Variants in KRT16 observed in about 807,000 individuals in gnomAD.
KRT16 encodes keratin, type I cytoskeletal 16.
In KRT16, 42 loss-of-function variants were observed where a neutral mutation model predicts 44.8. That is an observed-to-expected ratio of 0.94 (90% confidence interval 0.73 to 1.21). The LOEUF is 1.21. Among genes scored for constraint, KRT16 ranks in the 50% most tolerant of loss-of-function variants. The probability of loss-of-function intolerance (pLI) is 0.00; values close to 1 mark genes in which losing one functional copy is unlikely to be tolerated. For missense variants in KRT16, 561 were observed against 626.9 expected (o/e 0.89, Z 1.12); for synonymous variants, 226 against 260.4 (o/e 0.87, Z 1.27).
rs746875906 is a variant in KRT16, at chr17:41,610,040, G to A, written c.1328-11C>T. 1 of 1,600,016 alleles carries A rather than the reference G, an allele frequency of 6.2e-7. No homozygotes were observed. The highest frequency in any genetic ancestry group is 8.6e-7 in the Non-Finnish European group (1 of 1,169,218). On this transcript the variant is annotated splice_polypyrimidine_tract_variant and intron_variant, in intron 7 of 7. Transcript: ENST00000301653. ...AGGAGGAGGTGAAGACTGTGGGAGAGAGAAGAGGAGGTGAGAAGGGGTCTG... is the reference window on the plus strand; with the variant it reads ...AGGAGGAGGTGAAGACTGTGGGAGAAAGAAGAGGAGGTGAGAAGGGGTCTG...
chr17:41,610,621 T>C (rs1908157721), intron 5 of KRT16, 70 bp from the exon 6 acceptor site: 1 of 1,576,434 alleles, frequency 6.3e-7, no homozygotes, highest in Admixed American at 1.7e-5. Flanking sequence ...TCTGGGCATG[T>C]TTTTTGAGAG....
intron 7 of KRT16, 66 bp downstream of exon 7, chr17:41,610,124 G>A: frequency 6.2e-7 from 1 of 1,601,558 alleles, no homozygotes; most frequent in Non-Finnish European, 8.5e-7. Context: ...GAGGAGAAGG[G>A]CCCAGCCCCC....
chr17:41,612,409 A>G lies in KRT16; in HGVS notation c.280T>C (p.Phe94Leu). 2 of 1,614,098 alleles carry G rather than the reference A, an allele frequency of 1.2e-6. No individual in the cohort carries two copies. The highest frequency in any genetic ancestry group is 1.7e-6 in the Non-Finnish European group (2 of 1,180,010). ...AAGCCAGCACCCAAGCCACCACCGAAGCCAGCACCAAGGCCACCACCATAT... is the reference window on the plus strand; with the variant it reads ...AAGCCAGCACCCAAGCCACCACCGAGGCCAGCACCAAGGCCACCACCATAT... Reference protein sequence around the residue: ...GGYGGGLGAGFGGGLGAGFGG... With the variant: ...GGYGGGLGAGLGGGLGAGFGG... The change falls in exon 1 of 8, where the codon TTC becomes CTC. Residue 94 changes from phenylalanine to leucine, a missense_variant. Phe to Leu is a conservative substitution (Grantham distance 22). Transcript: ENST00000301653.
rs765819730 is a variant in KRT16 at position 41,610,957 on chromosome 17, A to G, written c.956T>C (p.Val319Ala). Residue 319 changes from valine (V) to alanine (A), a missense_variant, in exon 5 of 8, where the codon GTG (valine) becomes GCG (alanine). Coordinates refer to ENST00000301653, the MANE Select transcript of KRT16 (RefSeq NM_005557.4). ...LSKTEELNKE[V>A]ASNSELVQSS... ...CTGTACCAGTTCGCTGTTGGAGGCC[A>G]CTTCTTTGTTCAGCTCCTCGGTCTG... 1.2e-6 allele frequency: 2 copies of G among 1,614,082 alleles called. No homozygotes were observed. The highest frequency in any genetic ancestry group is 1.7e-6 in the Non-Finnish European group (2 of 1,179,996).
rs748887430 is a variant in KRT16 at position 41,609,960 on chromosome 17, C to T, written c.1397G>A (p.Ser466Asn). ...CTAGGAGCTCTGGCCCTGGCTGAAG[C>T]TGGATGAGCTCTGCTCCTTGAGGAT... The part of the protein sequence containing the change: ...RPILKEQSSS[S>N]FSQGQSS Residue 466 changes from serine (S) to asparagine (N), a missense_variant, in exon 8 of 8, where the codon AGC (serine) becomes AAC (asparagine). Ser to Asn is a conservative substitution (Grantham distance 46). Transcript: ENST00000301653. The T allele has an allele frequency of 6.2e-7, 1 of 1,611,770 alleles. No homozygotes were observed.
chr17:41,612,568 G>A lies in KRT16; in HGVS notation c.121C>T (p.Arg41Cys), dbSNP rs111383277. 0.022 allele frequency: 34,806 copies of A among 1,595,212 alleles called. 440 individuals are homozygous for A. The highest frequency in any genetic ancestry group is 0.026 in the Non-Finnish European group (30,793 of 1,171,362). Reference sequence around the variant, plus strand: ...CCGCCCCCGTAGGTGCTGGGGGCACGGCAGGACCCTCCGGCCAGGACGGAG... The same window carrying A: ...CCGCCCCCGTAGGTGCTGGGGGCACAGCAGGACCCTCCGGCCAGGACGGAG... ...ISSVLAGGSC[R>C]APSTYGGGLS... The change falls in exon 1 of 8, where the codon CGT becomes TGT. Residue 41 changes from arginine (R) to cysteine (C), a missense_variant. Physicochemically the swap from Arg to Cys is radical, Grantham distance 180. Transcript: ENST00000301653.
In KRT16 at chr17:41,610,281, C is replaced by G; in HGVS notation, c.1281-45G>C. ...GGGCAGTCAGTTGTGCTGAGAGCAG[C>G]AGGGGGGCTAAAGGGTCTGGGAGGC... On this transcript the variant is annotated intron_variant, in intron 6 of 7. Coordinates refer to ENST00000301653, the MANE Select transcript of KRT16 (RefSeq NM_005557.4). 1.9e-6 allele frequency: 3 copies of G among 1,613,684 alleles called. No individual in the cohort carries two copies. In the South Asian group the frequency reaches 3.3e-5, roughly 18 times the overall value.
chr17:41,611,992 A>G lies in KRT16; in HGVS notation c.531+166T>C, dbSNP rs541438442. The G allele has an allele frequency of 2.7e-4, 247 of 922,652 alleles. No individual in the cohort carries two copies. The African/African-American group carries it at 3.6e-3, about 13-fold the overall frequency. The allele number at this position is 922,652 out of a possible 1,614,324, so 57.2% of individuals were successfully genotyped here. ...GGTAACAGCCCCAGTCCGGGCACAG[A>G]GATACTGAAAAGGGACCCTCTGCTA... On this transcript the variant is annotated intron_variant, in intron 1 of 7. Transcript: ENST00000301653.
chr17:41,611,196 T>A lies in KRT16; in HGVS notation c.806A>T (p.Asp269Val). ...TGCAGCATCCATCTCCACGTTCACATCTCCGCCGGTCTGACCTCTCAGAGC... is the reference window on the plus strand; with the variant it reads ...TGCAGCATCCATCTCCACGTTCACAACTCCGCCGGTCTGACCTCTCAGAGC... ...MLALRGQTGGDVNVEMDAAPG... is the reference protein window; with the variant it reads ...MLALRGQTGGVVNVEMDAAPG... Residue 269 changes from aspartate (D) to valine (V), a missense_variant, in exon 4 of 8, where the codon GAT becomes GTT. Asp to Val is a radical substitution (Grantham distance 152). Coordinates refer to ENST00000301653, the MANE Select transcript of KRT16 (RefSeq NM_005557.4). 6.2e-7 allele frequency: 1 copy of A among 1,613,968 alleles called. No homozygotes were observed. The highest frequency in any genetic ancestry group is 8.5e-7 in the Non-Finnish European group (1 of 1,179,854).
intron 5 of KRT16, 47 bp from the exon 6 acceptor site, chr17:41,610,598 G>T: frequency 6.3e-7 from 1 of 1,599,462 alleles, no homozygotes; most frequent in Non-Finnish European, 8.6e-7. Context: ...GGTCACTCCT[G>T]TTCCTCCAGG....
rs142717659 is a variant in KRT16, at chr17:41,612,491, G to A, written c.198C>T (p.Gly66=). The change falls in exon 1 of 8, where the codon GGC becomes GGT. Residue 66 remains glycine, a synonymous_variant. Transcript: ENST00000301653. The part of the protein sequence containing the change: ...FSSGGACGLG[G]GYGGGFSSSS... ...TGCTGCTGAAGCCACCGCCATAGCC[G>A]CCCCCCAGCCCGCAGGCTCCCCCAG... 68 of 1,606,628 alleles carry A rather than the reference G, an allele frequency of 4.2e-5. No homozygotes were observed. In the African/African-American group the frequency reaches 6.8e-4, roughly 16 times the overall value.
In KRT16 at chr17:41,612,718, C is replaced by T. The variant is rs1243697877; in HGVS notation, c.-30G>A. 2.6e-6 allele frequency: 4 copies of T among 1,562,278 alleles called. No individual in the cohort carries two copies. The highest frequency in any genetic ancestry group is 2.6e-6 in the Non-Finnish European group (3 of 1,156,970). The stretch of plus-strand genomic sequence containing the variant: ...CCAAGGAGGGAGGTGAGCGAGTGAG[C>T]AGTTGGCTGAAAGAAGGAAAGGTGC... On this transcript the variant is annotated 5_prime_UTR_variant, in exon 1 of 8. Coordinates refer to ENST00000301653, the MANE Select transcript of KRT16 (RefSeq NM_005557.4).
At position 41,610,559 on chromosome 17, in the gene KRT16, TGA is replaced by T. The variant is rs752290870; in HGVS notation, c.1060-10_1060-9del. 35 of 1,611,878 alleles carry T rather than the reference TGA, an allele frequency of 2.2e-5. No individual in the cohort carries two copies. The South Asian group carries it at 3.2e-4, about 15-fold the overall frequency. ...GTTCTCCAGGGATGCTTTCTGCAAG[TGA>T]GAGAGAGAAAAAGAGTCCATGGAGG... On this transcript the variant is annotated splice_polypyrimidine_tract_variant and intron_variant, in intron 5 of 7. Transcript: ENST00000301653.
Position 41,612,224 on chromosome 17 carries a change from C to T in KRT16, c.465G>A (p.Arg155=), listed in dbSNP as rs751241027. ...AGTCTTTGATCTCACTGGGCCGCTG[C>T]CTCTGGTACCAGTCACGGATCTTCA... The part of the protein sequence containing the change: ...LEVKIRDWYQ[R]QRPSEIKDYS... The change falls in exon 1 of 8, where the codon AGG becomes AGA. Residue 155 remains arginine (R), a synonymous_variant. Coordinates refer to ENST00000301653, the MANE Select transcript of KRT16 (RefSeq NM_005557.4). The T allele has an allele frequency of 3.7e-6, 6 of 1,613,226 alleles. No individual in the cohort carries two copies. The South Asian group carries it at 4.4e-5, about 12-fold the overall frequency.
Position 41,611,244 on chromosome 17 carries a change from G to T in KRT16, c.772-14C>A. 6.2e-7 allele frequency: 1 copy of T among 1,613,968 alleles called. No homozygotes were observed. Among genetic ancestry groups the T allele is most frequent in the South Asian group, 1.1e-5 (1 of 91,076 alleles). On this transcript the variant is annotated splice_polypyrimidine_tract_variant and intron_variant, in intron 3 of 7. Coordinates refer to ENST00000301653, the MANE Select transcript of KRT16 (RefSeq NM_005557.4). ...AGCAAGCATCTCCTGGGAAGGGATG[G>T]CAGGAGGCGGTCAGTTCAGCAGACT...
At chr17:41,612,049 A>T (rs777129995) in intron 1 of KRT16, 109 bp downstream of exon 1, 2 of 1,372,710 alleles carry the variant, frequency 1.5e-6, no homozygotes, top group Admixed American at 3.4e-5. Flanking sequence ...GCCACTCCCC[A>T]AAGGTGCCCA....
In KRT16 at chr17:41,612,462, C is replaced by T. The variant is rs374118704; in HGVS notation, c.227G>A (p.Ser76Asn). ...TCCCCCGAAGCCACTACCAAAGCTG[C>T]TGCTGCTGCTGAAGCCACCGCCATA... ...GGYGGGFSSS[S>N]SFGSGFGGGY... Residue 76 changes from serine (S) to asparagine (N), a missense_variant, in exon 1 of 8, where the codon AGC becomes AAC. Physicochemically the swap from Ser to Asn is conservative, Grantham distance 46 (BLOSUM62 1). Coordinates refer to ENST00000301653, the MANE Select transcript of KRT16 (RefSeq NM_005557.4). 1.4e-5 allele frequency: 22 copies of T among 1,611,602 alleles called. No homozygotes were observed. The highest frequency in any genetic ancestry group is 2.2e-5 in the East Asian group (1 of 44,850).
intron 1 of KRT16, 84 bp downstream of exon 1, chr17:41,612,074 A>G: frequency 6.5e-7 from 1 of 1,530,988 alleles, no homozygotes; most frequent in Non-Finnish European, 9.0e-7. Flanking sequence ...CCCTGTTTGT[A>G]AAGTGTAATT....
rs1178656005 is a variant in KRT16, at chr17:41,612,694, C to A, written c.-6G>T. The A allele has an allele frequency of 2.5e-6, 4 of 1,589,188 alleles. No homozygotes were observed. The highest frequency in any genetic ancestry group is 2.3e-5 in the East Asian group (1 of 43,978). ...TGGCGGCTGCAGGTGGTCATGGTGC[C>A]AAGGAGGGAGGTGAGCGAGTGAGCA... On this transcript the variant is annotated 5_prime_UTR_variant, in exon 1 of 8. Coordinates refer to ENST00000301653, the MANE Select transcript of KRT16 (RefSeq NM_005557.4).
Sources: allele counts gnomAD v4.1 joint callset, GRCh38; gene constraint gnomAD v4.1.1; transcripts MANE v1.5; gene names NCBI Gene and HGNC (gene_info 2026-07-23, HGNC 2026-07-21).